AAGAB: variants seen among roughly 807,000 people sequenced by gnomAD.
The protein encoded by AAGAB is alpha- and gamma-adaptin-binding protein p34.
AAGAB carries 38 observed loss-of-function variants against 44.1 expected under a neutral mutation model. The ratio of observed to expected loss-of-function variants is 0.86; its 90% CI spans 0.67 to 1.13. AAGAB has a LOEUF of 1.13. Ranked by LOEUF, AAGAB falls within the 50% of genes most tolerant of loss-of-function variation. The pLI is 0.00. For synonymous variants in AAGAB, 131 were observed against 131.8 expected (o/e 0.99, Z 0.04); for missense variants, 450 against 373.8 (o/e 1.20, Z -1.68).
chr15:67,201,059 CTT>C lies in AAGAB; in HGVS notation c.*1760_*1761del, dbSNP rs1449861899. On this transcript the variant is annotated 3_prime_UTR_variant, in exon 10 of 10. Transcript: ENST00000261880. Reference sequence around the variant, plus strand: ...AATAAATCACATTTTAATCATCTGGCTTTGTTTAATCTACAAAATCAAATTCA... The same window carrying C: ...AATAAATCACATTTTAATCATCTGGCTGTTTAATCTACAAAATCAAATTCA... 6.6e-6 allele frequency: 1 copy of C among 152,294 alleles called. No individual in the cohort carries two copies. The highest frequency in any genetic ancestry group is 1.9e-4 in the East Asian group (1 of 5,344). 9.4% of individuals were successfully genotyped at this position (152,294 alleles called of 1,614,324 possible).
At chr15:67,254,754 C>T, upstream of AAGAB, 1 of 1,336,766 alleles carries the variant, frequency 7.5e-7, no homozygotes, top group South Asian at 1.3e-5. Flanking sequence ...CTGGCCTGAC[C>T]CCGCCCCTAG....
intron 3 of AAGAB, 93 bp from the exon 4 acceptor site, chr15:67,236,161 C>A: frequency 9.5e-7 from 1 of 1,053,588 alleles, no homozygotes; most frequent in Non-Finnish European, 1.4e-6. Flanking sequence ...ATGTGTTTCC[C>A]TTAATGTCAA....
chr15:67,241,051 A>ACG (rs1964585665), intron 1 of AAGAB, among the ~76,000 whole-genome samples: 1 of 151,554 alleles, frequency 6.6e-6, no homozygotes, highest in Non-Finnish European at 1.5e-5. Context: ...ACACACACAC[A>ACG]CACACACACA....
At chr15:67,254,489 G>T in intron 1 of AAGAB, 70 bp downstream of exon 1, 1 of 1,519,850 alleles carries the variant, frequency 6.6e-7, no homozygotes, top group East Asian at 2.4e-5. Flanking sequence ...CAGAGAGGCC[G>T]TGGTGCTGGG....
chr15:67,254,755 C>T (rs1406024177), upstream of AAGAB: 1 of 1,333,530 alleles, frequency 7.5e-7, no homozygotes, highest in East Asian at 2.5e-5. Flanking sequence ...TGGCCTGACC[C>T]CGCCCCTAGA....
chr15:67,233,426 A>G (rs1964388700), intron 4 of AAGAB, among the ~76,000 whole-genome samples: 1 of 152,244 alleles, frequency 6.6e-6, no homozygotes, highest in African/African-American at 2.4e-5. Flanking sequence ...GATCGTGTAC[A>G]AAGGAAATGG....
Position 67,254,576 on chromosome 15 carries a change from C to A in AAGAB, c.56G>T (p.Gly19Val). The A allele has an allele frequency of 6.2e-7, 1 of 1,609,858 alleles. No homozygotes were observed. Among genetic ancestry groups the A allele is most frequent in the South Asian group, 1.1e-5 (1 of 90,442 alleles). The change falls in exon 1 of 10, where the codon GGA becomes GTA. Residue 19 changes from glycine to valine, a missense_variant. Coordinates refer to ENST00000261880, the MANE Select transcript of AAGAB (RefSeq NM_024666.5). ...CTACTCACGTTGGACCAGCTGGTCT[C>A]CTGAGAAGACGGAGGAGCAGCTGGT... is the stretch of plus-strand genomic sequence containing the variant. Reference protein sequence around the residue: ...LVTSCSSVFSGDQLVQHILGT... With the variant: ...LVTSCSSVFSVDQLVQHILGT...
At chr15:67,210,129 G>C (rs930935053) in intron 5 of AAGAB, among the ~76,000 whole-genome samples, 2 of 152,124 alleles carry the variant, frequency 1.3e-5, no homozygotes. Context: ...ATATTCCATT[G>C]TTTTAAATAA....
chr15:67,231,352 G>A (rs1964329973), intron 5 of AAGAB, among the ~76,000 whole-genome samples: 1 of 152,100 alleles, frequency 6.6e-6, no homozygotes, highest in African/African-American at 2.4e-5. Context: ...CTACTGTCAG[G>A]ACACACTTTC....
intron 5 of AAGAB, among the ~76,000 whole-genome samples, chr15:67,225,494 A>G (rs1299420575): frequency 6.6e-6 from 1 of 152,182 alleles, no homozygotes; most frequent in African/African-American, 2.4e-5. Context: ...TGCAACCATC[A>G]TCACCATTTA....
intron 7 of AAGAB, among the ~76,000 whole-genome samples, chr15:67,205,008 C>T (rs1194528931): frequency 6.6e-6 from 1 of 152,222 alleles, no homozygotes; most frequent in Non-Finnish European, 1.5e-5. Flanking sequence ...CCACTGAATG[C>T]TTTAACTTAC....
At chr15:67,243,707 T>C (rs1484816523) in intron 1 of AAGAB, among the ~76,000 whole-genome samples, 2 of 152,214 alleles carry the variant, frequency 1.3e-5, no homozygotes, top group East Asian at 1.9e-4. Flanking sequence ...GCTGTATTCA[T>C]GAAACAAAAT....
At chr15:67,240,427 C>A (rs572887529) in intron 1 of AAGAB, among the ~76,000 whole-genome samples, 1 of 152,320 alleles carries the variant, frequency 6.6e-6, no homozygotes, top group African/African-American at 2.4e-5. Context: ...CTCATTCACA[C>A]TGTTGGCAGC....
intron 5 of AAGAB, among the ~76,000 whole-genome samples, chr15:67,214,653 T>C (rs1963899699): frequency 1.3e-5 from 2 of 152,146 alleles, no homozygotes; most frequent in Non-Finnish European, 2.9e-5. Flanking sequence ...TACTTTTTTT[T>C]TTTTTGAGAC....
At chr15:67,206,513 T>A (rs1423500333) in intron 7 of AAGAB, among the ~76,000 whole-genome samples, 1 of 152,322 alleles carries the variant, frequency 6.6e-6, no homozygotes, top group East Asian at 1.9e-4. Context: ...TGGCTTTCTA[T>A]TTTCCTCATT....
rs1185687133 is a variant in AAGAB at position 67,201,420 on chromosome 15, C to CA, written c.*1400dup. On this transcript the variant is annotated 3_prime_UTR_variant, in exon 10 of 10. Coordinates refer to ENST00000261880, the MANE Select transcript of AAGAB (RefSeq NM_024666.5). ...ACTCCTGCTGGCCCCTGTAGCATTC[C>CA]ATTCCTTCTGCCATCTGTTTCAGGT... The CA allele has an allele frequency of 2.0e-5, 3 of 152,436 alleles. No individual in the cohort carries two copies. The highest frequency in any genetic ancestry group is 4.4e-5 in the Non-Finnish European group (3 of 68,138). 9.4% of individuals were successfully genotyped at this position (152,436 alleles called of 1,614,324 possible). A position where few individuals can be genotyped will look rare whatever the true frequency, so the allele number is the denominator to read the frequency against.
intron 9 of AAGAB, 107 bp from the exon 10 acceptor site, chr15:67,203,005 C>A (rs1963602132): frequency 3.0e-6 from 3 of 996,484 alleles, no homozygotes; most frequent in Non-Finnish European, 4.8e-6. Context: ...ACTTTGCCCT[C>A]CAGTCCTCTG....
intron 4 of AAGAB, among the ~76,000 whole-genome samples, chr15:67,232,203 G>A (rs536640776): frequency 1.4e-4 from 21 of 148,420 alleles, no homozygotes; most frequent in African/African-American, 3.2e-4. Flanking sequence ...GTGGTGAGCC[G>A]AGATGGCACC....
rs138601241 is a variant in AAGAB at position 67,236,015 on chromosome 15, C to T, written c.415G>A (p.Val139Ile). 5.3e-4 allele frequency: 860 copies of T among 1,613,570 alleles called. 1 individual carries two copies. The highest frequency in any genetic ancestry group is 2.6e-3 in the Middle Eastern group (16 of 6,056). ...EWCIKHGFEL[V>I]ELSPEELPEE... ...GGCAACTCCTCTGGACTAAGTTCTA[C>T]CAATTCAAAGCCATGTTTGATGCAC... Residue 139 changes from valine (V) to isoleucine (I), a missense_variant, in exon 4 of 10, where the codon GTA becomes ATA. Coordinates refer to ENST00000261880, the MANE Select transcript of AAGAB (RefSeq NM_024666.5).
Sources: gnomAD v4.1 joint callset for allele counts (sites outside exome capture counted in the v4.1 genomes callset) on GRCh38, gnomAD v4.1.1 for gene constraint, MANE v1.5 for transcripts, NCBI Gene and HGNC (gene_info 2026-07-23, HGNC 2026-07-21) for gene names.